ACER2: variants seen among roughly 807,000 people sequenced by gnomAD.
ACER2 encodes the protein alkaline ceramidase 2, also known as alkCDase 2.
A neutral mutation model predicts 34.7 loss-of-function variants in ACER2; 26 were observed. That is an observed-to-expected ratio of 0.75 (90% CI 0.55 to 1.04). ACER2 has a LOEUF of 1.04. Ranked by LOEUF, ACER2 falls within the 50% of genes least tolerant of loss-of-function variation. The probability of loss-of-function intolerance (pLI) is 0.00; values close to 1 mark genes in which losing one functional copy is unlikely to be tolerated. For missense variants in ACER2, 352 were observed against 340.8 expected (o/e 1.03, Z -0.26); for synonymous variants, 138 against 132.1 (o/e 1.04, Z -0.31).
chr9:19,450,105 AATCAGATGTGCTCAGTT>A (rs1178153485), intron 5 of ACER2: 3 of 719,464 alleles, frequency 4.2e-6, no homozygotes, highest in African/African-American at 3.9e-5. Flanking sequence ...GGTGGGTTCT[AATCAGATGTGCTCAGTT>A]ACTTCCATCT....
In ACER2 at chr9:19,450,795, T is replaced by C. The variant is rs960938511; in HGVS notation, c.*159T>C. 3 of 618,628 alleles carry C rather than the reference T, an allele frequency of 4.8e-6. No homozygotes were observed. Among genetic ancestry groups the C allele is most frequent in the Non-Finnish European group, 7.5e-6 (3 of 402,154 alleles). 38.3% of individuals were successfully genotyped at this position (618,628 alleles called of 1,614,324 possible). A position where few individuals can be genotyped will look rare whatever the true frequency, so the allele number is the denominator to read the frequency against. On this transcript the variant is annotated 3_prime_UTR_variant, in exon 6 of 6. Transcript: ENST00000340967. ...TAATTTCTTTAGTGTTCTTTGTATG[T>C]AGGGATTTAAACTTTGTCATATGGT...
At chr9:19,420,523 A>G (rs569904937) in intron 1 of ACER2, among the ~76,000 whole-genome samples, 2 of 152,344 alleles carry the variant, frequency 1.3e-5, no homozygotes, top group East Asian at 1.9e-4. Context: ...ACAAAAGAAT[A>G]TAACAAGTGT....
chr9:19,429,960 C>T (rs767925480), intron 3 of ACER2, among the ~76,000 whole-genome samples: 10 of 152,056 alleles, frequency 6.6e-5, no homozygotes, highest in Admixed American at 1.3e-4. Flanking sequence ...GGGACATTTC[C>T]AGTTCTTATG....
In ACER2 at chr9:19,423,847, A is replaced by AT. The variant is rs762649678; in HGVS notation, c.109-8dup. The AT allele has an allele frequency of 1.6e-5, 25 of 1,600,820 alleles. 1 individual carries two copies. Among genetic ancestry groups the AT allele is most frequent in the South Asian group, 3.3e-5 (3 of 90,776 alleles). Reference sequence around the variant, plus strand: ...CTTAATACTCATCTTTCTGTTTTACATTTTTTTCCTGCAGATCAGCAATGT... The same window carrying AT: ...CTTAATACTCATCTTTCTGTTTTACATTTTTTTTCCTGCAGATCAGCAATGT... On this transcript the variant is annotated splice_polypyrimidine_tract_variant and intron_variant, in intron 1 of 5. Transcript: ENST00000340967.
intron 1 of ACER2, among the ~76,000 whole-genome samples, chr9:19,419,145 C>T (rs1052314325): frequency 1.5e-4 from 23 of 151,940 alleles, no homozygotes; most frequent in Non-Finnish European, 5.9e-5. Context: ...GAGCCGAGAT[C>T]GCACCATTGT....
At chr9:19,419,787 C>A (rs1427404231) in intron 1 of ACER2, among the ~76,000 whole-genome samples, 3 of 152,110 alleles carry the variant, frequency 2.0e-5, no homozygotes, top group Non-Finnish European at 4.4e-5. Flanking sequence ...AAAACAAAAA[C>A]AAAGTGAACC....
intron 1 of ACER2, among the ~76,000 whole-genome samples, chr9:19,420,948 ATGTAT>A (rs1830386706): frequency 6.6e-6 from 1 of 152,306 alleles, no homozygotes. Flanking sequence ...GTTCTGAGAA[ATGTAT>A]TGTCAGGAGA....
intron 1 of ACER2, among the ~76,000 whole-genome samples, chr9:19,415,824 C>T (rs1398061688): frequency 6.6e-6 from 1 of 151,974 alleles, no homozygotes; most frequent in African/African-American, 2.4e-5. Context: ...TAAATTGGTG[C>T]TCCTTCCACT....
At chr9:19,428,260 C>T (rs1172565358) in intron 3 of ACER2, among the ~76,000 whole-genome samples, 2 of 150,974 alleles carry the variant, frequency 1.3e-5, no homozygotes, top group East Asian at 2.0e-4. Flanking sequence ...CTCTGCCTCC[C>T]AGGTTCAAGT....
chr9:19,439,511 A>T (rs1312408826), intron 4 of ACER2, among the ~76,000 whole-genome samples: 1 of 151,964 alleles, frequency 6.6e-6, no homozygotes, highest in Non-Finnish European at 1.5e-5. Flanking sequence ...TGCCTGGCTA[A>T]TTTTTGTAGT....
rs2132446503 is a variant in ACER2 at position 19,409,163 on chromosome 9, G to T, written c.79G>T (p.Val27Leu). 1.2e-6 allele frequency: 2 copies of T among 1,605,078 alleles called. No individual in the cohort carries two copies. The highest frequency in any genetic ancestry group is 2.2e-5 in the East Asian group (1 of 44,508). Residue 27 changes from valine (V) to leucine (L), a missense_variant, in exon 1 of 6, where the codon GTG (valine) becomes TTG (leucine). Coordinates refer to ENST00000340967, the MANE Select transcript of ACER2 (RefSeq NM_001010887.3). ...VDWCEDNYTI[V>L]PAIAEFYNTI... ...CTGGTGCGAGGACAACTACACCATC[G>T]TGCCTGCTATCGCCGAGTTCTACAA... is the stretch of plus-strand genomic sequence containing the variant.
At chr9:19,436,062 A>G (rs1299228390) in intron 4 of ACER2, among the ~76,000 whole-genome samples, 2 of 149,110 alleles carry the variant, frequency 1.3e-5, no homozygotes, top group East Asian at 3.9e-4. Context: ...AAACAGAAAA[A>G]GAAGAAAGAA....
intron 4 of ACER2, among the ~76,000 whole-genome samples, chr9:19,436,317 T>C (rs148342818): frequency 2.7e-4 from 41 of 152,310 alleles, no homozygotes; most frequent in Middle Eastern, 6.8e-3. Flanking sequence ...AAAAAACTAA[T>C]TTTATCAAGT....
In ACER2 at chr9:19,450,502, T is replaced by C. The variant is rs751668891; in HGVS notation, c.694T>C (p.Phe232Leu). The C allele has an allele frequency of 6.2e-6, 10 of 1,612,366 alleles. No individual in the cohort carries two copies. Among genetic ancestry groups the C allele is most frequent in the Non-Finnish European group, 7.6e-6 (9 of 1,178,722 alleles). The change falls in exon 6 of 6, where the codon TTT becomes CTT. Residue 232 changes from phenylalanine to leucine, a missense_variant. Transcript: ENST00000340967. Reference sequence around the variant, plus strand: ...CCTGGGCTGTGTATGCTTTGCCTACTTTGATGCTGCCTCAGAGATTCCTGA... The same window carrying C: ...CCTGGGCTGTGTATGCTTTGCCTACCTTGATGCTGCCTCAGAGATTCCTGA... The part of the protein sequence containing the change: ...AYLGCVCFAY[F>L]DAASEIPEQG...
intron 3 of ACER2, among the ~76,000 whole-genome samples, chr9:19,434,018 G>T (rs1365773799): frequency 1.4e-5 from 2 of 147,896 alleles, no homozygotes; most frequent in African/African-American, 5.3e-5. Context: ...TTCTCAGACG[G>T]GGCGGCTGCC....
Position 19,423,904 on chromosome 9 carries a change from T to TG in ACER2, c.152dup (p.Cys51TrpfsTer36), listed in dbSNP as rs1157487321. The TG allele has an allele frequency of 6.2e-7, 1 of 1,614,056 alleles. No individual in the cohort carries two copies. Among genetic ancestry groups the TG allele is most frequent in the Non-Finnish European group, 8.5e-7 (1 of 1,180,014 alleles). On this transcript the variant is annotated frameshift_variant, in exon 2 of 6. Coordinates refer to ENST00000340967, the MANE Select transcript of ACER2 (RefSeq NM_001010887.3). LOFTEE classifies it high-confidence loss of function. ...TTTCATTTTACCGCCCATCTGCATG[T>TG]GCTTGTTTCGTCAGTATGCAACATG...
chr9:19,421,078 A>G (rs907234441), intron 1 of ACER2, among the ~76,000 whole-genome samples: 4 of 152,178 alleles, frequency 2.6e-5, no homozygotes, highest in Non-Finnish European at 4.4e-5. Context: ...AACCTGTACA[A>G]CCTGTTACTG....
intron 4 of ACER2, among the ~76,000 whole-genome samples, chr9:19,442,397 G>A (rs1251892907): frequency 6.6e-6 from 1 of 152,164 alleles, no homozygotes; most frequent in Non-Finnish European, 1.5e-5. Flanking sequence ...CTAATGGACC[G>A]CAGCTTTGGA....
At chr9:19,437,006 T>G (rs987824356) in intron 4 of ACER2, among the ~76,000 whole-genome samples, 1 of 152,238 alleles carries the variant, frequency 6.6e-6, no homozygotes, top group Non-Finnish European at 1.5e-5. Flanking sequence ...CATACCTGAC[T>G]GTTCCTACTC....
Sources: allele counts gnomAD v4.1 joint callset (sites outside exome capture counted in the v4.1 genomes callset), GRCh38; gene constraint gnomAD v4.1.1; transcripts MANE v1.5; gene names NCBI Gene and HGNC (gene_info 2026-07-23, HGNC 2026-07-21).